Variants in TMEM132B observed in about 807,000 individuals in gnomAD.
TMEM132B encodes the protein transmembrane protein 132B.
A neutral mutation model predicts 90.8 loss-of-function variants in TMEM132B; 18 were observed. The observed-to-expected ratio is 0.20, with a 90% CI of 0.14 to 0.29. The LOEUF is 0.29. Ranked by LOEUF, TMEM132B falls within the 10% of genes least tolerant of loss-of-function variation. The pLI, the probability that TMEM132B is intolerant of heterozygous loss-of-function variation, is 1.00. For synonymous variants in TMEM132B, 504 were observed against 523.3 expected, an observed-to-expected ratio of 0.96 and a Z score of 0.50; for missense variants, 1,096 against 1,326.8, an observed-to-expected ratio of 0.83 and a Z score of 2.70.
intron 5 of TMEM132B, among the ~76,000 whole-genome samples, chr12:125,615,105 CTG>C (rs1267859770): frequency 1.3e-5 from 2 of 151,978 alleles, no homozygotes; most frequent in African/African-American, 4.8e-5. Flanking sequence ...AGTATTTTCT[CTG>C]TGTCTTTGTC....
chr12:125,505,449 A>G (rs1035945163), intron 3 of TMEM132B, among the ~76,000 whole-genome samples: 2 of 152,142 alleles, frequency 1.3e-5, no homozygotes, highest in African/African-American at 4.8e-5. Flanking sequence ...CTGTAATCCC[A>G]GCACTTTGGG....
At chr12:125,623,358 G>A (rs1252992280) in intron 5 of TMEM132B, among the ~76,000 whole-genome samples, 2 of 152,148 alleles carry the variant, frequency 1.3e-5, no homozygotes, top group South Asian at 2.1e-4. Flanking sequence ...CAACATTTTG[G>A]TAACACTTGA....
chr12:125,534,052 C>T (rs954663937), intron 4 of TMEM132B, among the ~76,000 whole-genome samples: 6 of 152,126 alleles, frequency 3.9e-5, no homozygotes, highest in African/African-American at 9.7e-5. Context: ...AAGTGGCCGG[C>T]GAACTTCATA....
At chr12:125,631,783 T>C (rs1196245080) in intron 5 of TMEM132B, among the ~76,000 whole-genome samples, 1 of 152,134 alleles carries the variant, frequency 6.6e-6, no homozygotes, top group Non-Finnish European at 1.5e-5. Context: ...AGTCAATTTG[T>C]CGGATATAAG....
At chr12:125,644,040 A>G (rs1250071038) in intron 5 of TMEM132B, 36 bp from the exon 6 acceptor site, 4 of 1,582,346 alleles carry the variant, frequency 2.5e-6, no homozygotes, top group East Asian at 2.2e-5. Context: ...TGCTTTTCCT[A>G]CTGATGCATC....
intron 4 of TMEM132B, among the ~76,000 whole-genome samples, chr12:125,526,507 A>G (rs1474356802): frequency 6.6e-6 from 1 of 152,222 alleles, no homozygotes; most frequent in Non-Finnish European, 1.5e-5. Flanking sequence ...TGGACTGGGC[A>G]GTTGAAGCAT....
chr12:125,660,803 G>A lies in TMEM132B; in HGVS notation c.*6093G>A, dbSNP rs1287600638. 1 of 152,164 alleles carries A rather than the reference G, an allele frequency of 6.6e-6. No homozygotes were observed. The highest frequency in any genetic ancestry group is 2.4e-5 in the African/African-American group (1 of 41,446). 9.4% of individuals were successfully genotyped at this position (152,164 alleles called of 1,614,324 possible). A position where few individuals can be genotyped will look rare whatever the true frequency, so the allele number is the denominator to read the frequency against. ...GCTGCTCTTGGTCAGTTGTTCAAAT[G>A]AAACATTGTAATTTCATGTTAACGA... On this transcript the variant is annotated 3_prime_UTR_variant, in exon 9 of 9. Coordinates refer to ENST00000682704, the MANE Select transcript of TMEM132B (RefSeq NM_001366854.1).
intron 3 of TMEM132B, among the ~76,000 whole-genome samples, chr12:125,422,926 A>G (rs1880209980): frequency 6.6e-6 from 1 of 152,214 alleles, no homozygotes; most frequent in Admixed American, 6.5e-5. Flanking sequence ...GAGAGGATTT[A>G]TAACAGCAGC....
intron 5 of TMEM132B, among the ~76,000 whole-genome samples, chr12:125,611,242 G>C (rs1041749674): frequency 6.6e-6 from 1 of 151,866 alleles, no homozygotes; most frequent in Non-Finnish European, 1.5e-5. Flanking sequence ...AAGTTAGTTG[G>C]AATGTCCCTT....
intron 3 of TMEM132B, among the ~76,000 whole-genome samples, chr12:125,448,652 A>G (rs932021726): frequency 1.3e-5 from 2 of 152,222 alleles, no homozygotes; most frequent in Admixed American, 6.5e-5. Flanking sequence ...TAAGGCTGCT[A>G]TGAACATTCA....
intron 4 of TMEM132B, among the ~76,000 whole-genome samples, chr12:125,578,614 C>T (rs1381299040): frequency 6.6e-6 from 1 of 152,042 alleles, no homozygotes; most frequent in Non-Finnish European, 1.5e-5. Flanking sequence ...TTTGGTATTT[C>T]TTGGAAGATG....
chr12:125,624,060 G>A (rs1886173567), intron 5 of TMEM132B, among the ~76,000 whole-genome samples: 1 of 152,220 alleles, frequency 6.6e-6, no homozygotes, highest in Non-Finnish European at 1.5e-5. Flanking sequence ...TGGCTGGGAG[G>A]CCTGGACATT....
At chr12:125,434,933 G>A (rs1193943368) in intron 3 of TMEM132B, among the ~76,000 whole-genome samples, 2 of 152,208 alleles carry the variant, frequency 1.3e-5, no homozygotes, top group East Asian at 1.9e-4. Flanking sequence ...CAGAGTGCAT[G>A]AGGAGAGAAG....
At chr12:125,264,721 C>T (rs1565986924) in intron 1 of TMEM132B, among the ~76,000 whole-genome samples, 1 of 152,224 alleles carries the variant, frequency 6.6e-6, no homozygotes, top group African/African-American at 2.4e-5. Context: ...TTCTCAAACA[C>T]AATTTAAAGT....
chr12:125,641,925 A>G (rs550279338), intron 5 of TMEM132B, among the ~76,000 whole-genome samples: 2 of 152,328 alleles, frequency 1.3e-5, no homozygotes, highest in South Asian at 4.1e-4. Flanking sequence ...TAACCACCTG[A>G]GCTAGGGAGA....
chr12:125,304,726 G>T (rs1350842610), intron 1 of TMEM132B, among the ~76,000 whole-genome samples: 1 of 152,120 alleles, frequency 6.6e-6, no homozygotes, highest in Non-Finnish European at 1.5e-5. Context: ...AACTACTTGG[G>T]GGGCTGAGGA....
intron 3 of TMEM132B, among the ~76,000 whole-genome samples, chr12:125,430,474 A>G (rs1880467858): frequency 6.6e-6 from 1 of 152,184 alleles, no homozygotes; most frequent in South Asian, 2.1e-4. Flanking sequence ...AGGAATGAGG[A>G]GAAGCCAGCC....
At chr12:125,355,982 A>G (rs866726278) in intron 2 of TMEM132B, among the ~76,000 whole-genome samples, 14 of 152,156 alleles carry the variant, frequency 9.2e-5, no homozygotes, top group African/African-American at 3.4e-4. Context: ...AAGGGTCATC[A>G]AGTGGGGTTT....
At chr12:125,465,098 C>T (rs1322464618) in intron 3 of TMEM132B, among the ~76,000 whole-genome samples, 10 of 152,180 alleles carry the variant, frequency 6.6e-5, no homozygotes, top group African/African-American at 2.4e-4. Context: ...ATGTTAATCC[C>T]TCAAAATCCT....
Sources: allele counts gnomAD v4.1 joint callset (sites outside exome capture counted in the v4.1 genomes callset), GRCh38; gene constraint gnomAD v4.1.1; transcripts MANE v1.5; gene names NCBI Gene and HGNC (gene_info 2026-07-23, HGNC 2026-07-21).